The following MYT1L variants were observed in gnomAD, a reference collection of about 807,000 sequenced individuals.
The protein encoded by MYT1L is myelin transcription factor 1-like protein.
MYT1L carries 12 observed loss-of-function variants against 126.7 expected under a neutral mutation model. That is an observed-to-expected ratio of 0.09 (90% CI 0.06 to 0.15). MYT1L has a LOEUF of 0.15. Ranked by LOEUF, MYT1L falls within the 10% of genes least tolerant of loss-of-function variation. The pLI is 1.00. For missense variants in MYT1L, 979 were observed against 1,585.2 expected (o/e 0.62, Z 6.49); for synonymous variants, 541 against 604.2 (o/e 0.90, Z 1.53).
chr2:1,836,128 A>G (rs771264183), intron 21 of MYT1L, among the ~76,000 whole-genome samples: 2 of 152,076 alleles, frequency 1.3e-5, no homozygotes, highest in Non-Finnish European at 2.9e-5. Flanking sequence ...CAGAGAAGGG[A>G]GCTTCTAGCA....
chr2:2,192,490 A>C (rs2092637944), intron 2 of MYT1L, among the ~76,000 whole-genome samples: 1 of 151,432 alleles, frequency 6.6e-6, no homozygotes, highest in Non-Finnish European at 1.5e-5. Context: ...TTATGAAAAC[A>C]TGCAGCAGAA....
intron 19 of MYT1L, among the ~76,000 whole-genome samples, chr2:1,850,129 G>A (rs1200564385): frequency 8.2e-6 from 1 of 121,276 alleles, no homozygotes; most frequent in Non-Finnish European, 1.7e-5. Flanking sequence ...CTTCCCTCCT[G>A]CCCCTCCCTC....
chr2:2,155,404 G>A lies in MYT1L; in HGVS notation c.-304+17468C>T, dbSNP rs565978507. On this transcript the variant is annotated intron_variant, in intron 3 of 24. Transcript: ENST00000647738. ...TTGTTTTTTAATATAAGCCATGTAAGATGAAAATATTTTTCTGTCTATTAA... is the reference window on the plus strand; with the variant it reads ...TTGTTTTTTAATATAAGCCATGTAAAATGAAAATATTTTTCTGTCTATTAA... 1.8e-4 allele frequency among the ~76,000 whole-genome samples: 28 copies of A among 152,264 alleles called. No individual in the cohort carries two copies. The South Asian group carries it at 5.8e-3, about 32-fold the overall frequency.
intron 4 of MYT1L, among the ~76,000 whole-genome samples, chr2:2,028,755 C>T (rs1397512095): frequency 2.0e-5 from 3 of 152,130 alleles, no homozygotes; most frequent in Non-Finnish European, 2.9e-5. Context: ...GGGAACCATC[C>T]TGTGTGCCAG....
At chr2:1,981,449 GTC>G (rs1219724821) in intron 5 of MYT1L, among the ~76,000 whole-genome samples, 1 of 152,200 alleles carries the variant, frequency 6.6e-6, no homozygotes, top group African/African-American at 2.4e-5. Flanking sequence ...AAAAGAGACT[GTC>G]TCTATGACTG....
chr2:1,991,030 A>G (rs2061415615), intron 5 of MYT1L, among the ~76,000 whole-genome samples: 1 of 152,078 alleles, frequency 6.6e-6, no homozygotes, highest in African/African-American at 2.4e-5. Flanking sequence ...TGCACTTCCC[A>G]TCTTGTCCCC....
Position 1,889,304 on chromosome 2 carries a change from C to T in MYT1L, c.2457G>A (p.Leu819=). Residue 819 remains leucine (L), a synonymous_variant, in exon 16 of 25, where the codon TTG becomes TTA. Transcript: ENST00000647738. The surrounding 1 kb of genome is among the most constrained non-coding windows in gnomAD (Gnocchi z 4.1). ...FQLGEGDCWD[L]PVDYTKMKPR... is the part of the protein sequence containing the mutation. Reference sequence around the variant, plus strand: ...GTTTCATTTTGGTGTAGTCTACGGGCAAGTCCCAGCAGTCGCCCTCGCCCA... The same window carrying T: ...GTTTCATTTTGGTGTAGTCTACGGGTAAGTCCCAGCAGTCGCCCTCGCCCA... 1.9e-6 allele frequency: 3 copies of T among 1,613,818 alleles called. No homozygotes were observed. The highest frequency in any genetic ancestry group is 1.7e-6 in the Non-Finnish European group (2 of 1,179,858).
At chr2:2,329,620 T>C (rs1221001633) in intron 1 of MYT1L, among the ~76,000 whole-genome samples, 1 of 152,172 alleles carries the variant, frequency 6.6e-6, no homozygotes, top group Non-Finnish European at 1.5e-5. Flanking sequence ...TATGGCTGAT[T>C]AAAAGCAGAA....
rs564589559 is a variant in MYT1L at position 2,005,784 on chromosome 2, G to A, written c.-157-8437C>T. 9.7e-5 allele frequency among the ~76,000 whole-genome samples: 11 copies of A among 113,132 alleles called. No individual in the cohort carries two copies. In the East Asian group the frequency reaches 1.7e-3, roughly 17 times the overall value. 74.2% of individuals were successfully genotyped at this position (113,132 alleles called of 152,430 possible). On this transcript the variant is annotated intron_variant, in intron 4 of 24. Transcript: ENST00000647738. ...CTTTCCTGCGTGCCTTCTTTCCTGT[G>A]TGCGTTCTTTCCTGTGTGCCTTTCC...
intron 9 of MYT1L, among the ~76,000 whole-genome samples, chr2:1,941,191 A>G (rs1322935732): frequency 2.0e-5 from 3 of 152,210 alleles, no homozygotes; most frequent in Non-Finnish European, 4.4e-5. Flanking sequence ...TGAATTTTTA[A>G]TTCTAGAAAA....
At chr2:1,809,544 C>G (rs185367735) in intron 21 of MYT1L, among the ~76,000 whole-genome samples, 39 of 152,264 alleles carry the variant, frequency 2.6e-4, no homozygotes, top group Admixed American at 4.6e-4. Context: ...TGGAAAGCAT[C>G]AAGCTCATAG....
chr2:1,927,086 G>A (rs1284864994), intron 9 of MYT1L, among the ~76,000 whole-genome samples: 2 of 152,214 alleles, frequency 1.3e-5, no homozygotes, highest in Non-Finnish European at 2.9e-5. Context: ...GGAGCCTCCT[G>A]TGAGCGGGGG....
chr2:1,832,660 G>A (rs957281573), intron 21 of MYT1L, among the ~76,000 whole-genome samples: 10 of 152,106 alleles, frequency 6.6e-5, no homozygotes, highest in African/African-American at 1.9e-4. Flanking sequence ...TCTCCTCCGC[G>A]GCCACCAAGG....
chr2:2,311,577 G>T (rs944716285), intron 1 of MYT1L, among the ~76,000 whole-genome samples: 1 of 152,158 alleles, frequency 6.6e-6, no homozygotes, highest in African/African-American at 2.4e-5. Context: ...ACTTTGGGGG[G>T]CACCATTCAG....
At chr2:1,973,044 G>T (rs1187785468) in intron 8 of MYT1L, among the ~76,000 whole-genome samples, 2 of 152,140 alleles carry the variant, frequency 1.3e-5, no homozygotes, top group African/African-American at 4.8e-5. Context: ...TCCAGTGAAG[G>T]TTAAATGGGA....
chr2:2,014,174 C>T (rs775376714), intron 4 of MYT1L, among the ~76,000 whole-genome samples: 1 of 150,332 alleles, frequency 6.7e-6, no homozygotes, highest in Non-Finnish European at 1.5e-5. Context: ...TTTTTTCCTG[C>T]AGTGGGATAT....
intron 1 of MYT1L, among the ~76,000 whole-genome samples, chr2:2,313,915 T>G (rs2096018875): frequency 6.6e-6 from 1 of 152,212 alleles, no homozygotes; most frequent in Non-Finnish European, 1.5e-5. Context: ...GACCATTATA[T>G]GTTTATTTTT....
At position 2,001,235 on chromosome 2, in the gene MYT1L, AGCTTTTTTTTTTTTTTT is replaced by A. The variant is rs1254734668; in HGVS notation, c.-157-3905_-157-3889del. On this transcript the variant is annotated intron_variant, in intron 4 of 24. Coordinates refer to ENST00000647738, the MANE Select transcript of MYT1L (RefSeq NM_001303052.2). ...TCTAAATTTATCTTCCATTGGTTTT[AGCTTTTTTTTTTTTTTT>A]GCTTTTTTTTTTTATCTCTTTCTTC... 1.3e-3 allele frequency among the ~76,000 whole-genome samples: 126 copies of A among 96,470 alleles called. 1 individual carries two copies. The highest frequency in any genetic ancestry group is 5.1e-3 in the African/African-American group (109 of 21,190). The allele number at this position is 96,470 out of a possible 152,430, so 63.3% of individuals were successfully genotyped here.
At chr2:2,154,676 T>C (rs1459235896) in intron 3 of MYT1L, among the ~76,000 whole-genome samples, 1 of 152,080 alleles carries the variant, frequency 6.6e-6, no homozygotes, top group East Asian at 1.9e-4. Context: ...GAGGCCTTCT[T>C]GAGGGTAGAG....
Sources: gnomAD v4.1 joint callset for allele counts (sites outside exome capture counted in the v4.1 genomes callset) on GRCh38, gnomAD v4.1.1 for gene constraint, Gnocchi (gnomAD v3.1) non-coding constraint, MANE v1.5 for transcripts, NCBI Gene and HGNC (gene_info 2026-07-23, HGNC 2026-07-21) for gene names.